Variants in CTNND2 observed in about 807,000 individuals in gnomAD.
The protein encoded by CTNND2 is catenin delta 2.
CTNND2 carries 22 observed loss-of-function variants against 144.4 expected under a neutral mutation model. That is an observed-to-expected ratio of 0.15 (90% CI 0.11 to 0.22). CTNND2 has a LOEUF of 0.22. Among genes scored for constraint, CTNND2 ranks in the 10% least tolerant of loss-of-function variants. CTNND2 has a pLI of 1.00. For synonymous variants in CTNND2, 751 were observed against 695.6 expected (o/e 1.08, Z -1.25); for missense variants, 1,353 against 1,618.8 (o/e 0.84, Z 2.82).
intron 9 of CTNND2, among the ~76,000 whole-genome samples, chr5:11,309,233 T>G (rs983946762): frequency 6.6e-6 from 1 of 152,182 alleles, no homozygotes; most frequent in South Asian, 2.1e-4. Context: ...GATCCACTGA[T>G]AGCTTGCACT....
chr5:11,129,077 T>TAA (rs1755146943), intron 12 of CTNND2, among the ~76,000 whole-genome samples: 3 of 28,986 alleles, frequency 1.0e-4, no homozygotes, highest in Non-Finnish European at 2.4e-4. Context: ...TATATATAAA[T>TAA]AAAATATATA....
chr5:11,712,852 C>A (rs943230462), intron 2 of CTNND2, among the ~76,000 whole-genome samples: 2 of 151,974 alleles, frequency 1.3e-5, no homozygotes, highest in African/African-American at 4.8e-5. Flanking sequence ...TAAGTTTTTA[C>A]GAGATTATTT....
intron 16 of CTNND2, among the ~76,000 whole-genome samples, chr5:11,054,639 C>A (rs1746172328): frequency 6.6e-6 from 1 of 152,068 alleles, no homozygotes; most frequent in Non-Finnish European, 1.5e-5. Flanking sequence ...ACCGCACTTG[C>A]CCTTTGCTGG....
intron 3 of CTNND2, among the ~76,000 whole-genome samples, chr5:11,483,546 T>G (rs1272222121): frequency 6.6e-6 from 1 of 152,134 alleles, no homozygotes; most frequent in Non-Finnish European, 1.5e-5. Context: ...AAGAAGAGAT[T>G]TGTGTACCTT....
intron 9 of CTNND2, among the ~76,000 whole-genome samples, chr5:11,272,482 C>T (rs1447007884): frequency 6.6e-6 from 1 of 152,190 alleles, no homozygotes; most frequent in Non-Finnish European, 1.5e-5. Flanking sequence ...CCATGCCACA[C>T]TCACAAGTCT....
chr5:11,034,673 C>T (rs561667732), intron 16 of CTNND2, among the ~76,000 whole-genome samples: 1 of 152,274 alleles, frequency 6.6e-6, no homozygotes, highest in South Asian at 2.1e-4. Flanking sequence ...GTCTCCTAGC[C>T]TTCTCTATGT....
intron 2 of CTNND2, among the ~76,000 whole-genome samples, chr5:11,692,968 C>A (rs925425463): frequency 6.6e-6 from 1 of 152,316 alleles, no homozygotes; most frequent in South Asian, 2.1e-4. Context: ...CTTCTTATCT[C>A]CCCAAAACTC....
chr5:11,831,122 A>G (rs539597836), intron 1 of CTNND2, among the ~76,000 whole-genome samples: 10 of 152,146 alleles, frequency 6.6e-5, no homozygotes, highest in African/African-American at 2.4e-4. Flanking sequence ...TTCTTTCCAA[A>G]CTGTTGATCT....
At chr5:11,588,507 T>A (rs1324336550) in intron 2 of CTNND2, among the ~76,000 whole-genome samples, 1 of 152,188 alleles carries the variant, frequency 6.6e-6, no homozygotes, top group Non-Finnish European at 1.5e-5. Context: ...ACCCATGAAT[T>A]CTTACAACCA....
chr5:11,248,783 A>T (rs547657485), intron 9 of CTNND2, among the ~76,000 whole-genome samples: 1 of 152,330 alleles, frequency 6.6e-6, no homozygotes, highest in Non-Finnish European at 1.5e-5. Flanking sequence ...TACCTGTCAC[A>T]GTGTCTTTAC....
chr5:11,598,659 G>A (rs907960279), intron 2 of CTNND2, among the ~76,000 whole-genome samples: 1 of 152,056 alleles, frequency 6.6e-6, no homozygotes. Context: ...CTTAATATAC[G>A]AATTGAAGAT....
chr5:11,309,387 G>A (rs979390235), intron 9 of CTNND2, among the ~76,000 whole-genome samples: 3 of 152,190 alleles, frequency 2.0e-5, no homozygotes, highest in African/African-American at 7.2e-5. Flanking sequence ...TGTGAGACAT[G>A]GAGTCAAAGG....
At chr5:11,281,412 T>C (rs774648359) in intron 9 of CTNND2, among the ~76,000 whole-genome samples, 1 of 152,152 alleles carries the variant, frequency 6.6e-6, no homozygotes, top group Non-Finnish European at 1.5e-5. Context: ...TTATAGGAAA[T>C]AGAATTTCAT....
Position 11,018,073 on chromosome 5 carries a change from A to G in CTNND2, c.3000-15T>C. The stretch of plus-strand genomic sequence containing the variant: ...TTGGAGAGTGTCTGATGAAGAAAAG[A>G]CAGGAAAGGCAAGATGTGAGTGGGA... On this transcript the variant is annotated splice_polypyrimidine_tract_variant and intron_variant, in intron 17 of 21. Coordinates refer to ENST00000304623, the MANE Select transcript of CTNND2 (RefSeq NM_001332.4). 1 of 1,595,014 alleles carries G rather than the reference A, an allele frequency of 6.3e-7. No homozygotes were observed. The highest frequency in any genetic ancestry group is 2.2e-5 in the East Asian group (1 of 44,762).
chr5:11,007,737 G>A (rs1197301372), intron 18 of CTNND2, among the ~76,000 whole-genome samples: 2 of 152,208 alleles, frequency 1.3e-5, no homozygotes, highest in African/African-American at 4.8e-5. Flanking sequence ...ACAGCACTGT[G>A]GGATCTCCCA....
chr5:11,752,680 C>T (rs1285858720), intron 1 of CTNND2, among the ~76,000 whole-genome samples: 5 of 150,762 alleles, frequency 3.3e-5, no homozygotes, highest in Non-Finnish European at 7.4e-5. Context: ...GGCTTTTTTT[C>T]GTTCTATATG....
At chr5:11,663,203 T>C (rs1023142819) in intron 2 of CTNND2, among the ~76,000 whole-genome samples, 1 of 152,234 alleles carries the variant, frequency 6.6e-6, no homozygotes, top group African/African-American at 2.4e-5. Context: ...AAAATGTGTC[T>C]GCATAATTGA....
At chr5:11,736,167 A>G (rs202243599) in intron 1 of CTNND2, among the ~76,000 whole-genome samples, 1 of 152,094 alleles carries the variant, frequency 6.6e-6, no homozygotes, top group East Asian at 1.9e-4. Flanking sequence ...TCCTAATGCT[A>G]CTCTACTAAC....
At chr5:11,263,334 C>A (rs1461080843) in intron 9 of CTNND2, among the ~76,000 whole-genome samples, 1 of 151,750 alleles carries the variant, frequency 6.6e-6, no homozygotes, top group East Asian at 1.9e-4. Flanking sequence ...AATAGAGCAA[C>A]CAAGGAAATG....
Sources: allele counts gnomAD v4.1 joint callset (sites outside exome capture counted in the v4.1 genomes callset), GRCh38; gene constraint gnomAD v4.1.1; transcripts MANE v1.5; gene names NCBI Gene and HGNC (gene_info 2026-07-23, HGNC 2026-07-21).